KIF1B: variants seen among roughly 807,000 people sequenced by gnomAD.
KIF1B encodes the protein kinesin-like protein KIF1B.
KIF1B carries 76 observed loss-of-function variants against 241.9 expected under a neutral mutation model. The observed-to-expected ratio is 0.31, with a 90% CI of 0.26 to 0.38. The LOEUF (loss-of-function observed/expected upper bound fraction) is 0.38, where lower values mean the gene tolerates loss of function less well. Ranked by LOEUF, KIF1B falls within the 10% of genes least tolerant of loss-of-function variation. KIF1B has a pLI of 1.00. For synonymous variants in KIF1B, 750 were observed against 796.7 expected, an observed-to-expected ratio of 0.94 and a Z score of 0.99; for missense variants, 1,622 against 2,271.4, an observed-to-expected ratio of 0.71 and a Z score of 5.81.
At chr1:10,314,421 T>A (rs930686378) in intron 22 of KIF1B, among the ~76,000 whole-genome samples, 9 of 151,316 alleles carry the variant, frequency 5.9e-5, no homozygotes, top group Non-Finnish European at 1.2e-4. Flanking sequence ...TGTTTGTTTG[T>A]TTTTGTTGTT....
chr1:10,264,203 G>A (rs982266056), intron 5 of KIF1B, among the ~76,000 whole-genome samples: 1 of 152,030 alleles, frequency 6.6e-6, no homozygotes, highest in Non-Finnish European at 1.5e-5. Flanking sequence ...TTTTATGTTT[G>A]TTGTTTATTA....
In KIF1B at chr1:10,271,584, T is replaced by G; in HGVS notation, c.798+5T>G. On this transcript the variant is annotated splice_donor_5th_base_variant and intron_variant, in intron 8 of 48. Transcript: ENST00000676179. Reference sequence around the variant, plus strand: ...GCCAAAGGGACTCGATTAAAGGTATTTATTTTAGCAAATAAATGGCCTGAT... The same window carrying G: ...GCCAAAGGGACTCGATTAAAGGTATGTATTTTAGCAAATAAATGGCCTGAT... 6.2e-7 allele frequency: 1 copy of G among 1,606,116 alleles called. No homozygotes were observed. The highest frequency in any genetic ancestry group is 8.5e-7 in the Non-Finnish European group (1 of 1,172,686).
intron 14 of KIF1B, among the ~76,000 whole-genome samples, chr1:10,280,818 G>A (rs573149320): frequency 1.3e-5 from 2 of 152,134 alleles, no homozygotes; most frequent in Admixed American, 6.5e-5. Context: ...TAGCAGCTGC[G>A]GCATTTCCTG....
At chr1:10,255,605 T>G (rs1647729275) in intron 2 of KIF1B, among the ~76,000 whole-genome samples, 1 of 151,966 alleles carries the variant, frequency 6.6e-6, no homozygotes, top group African/African-American at 2.4e-5. Context: ...AGAAAAGAAA[T>G]AGAAATGTCG....
chr1:10,261,994 C>A, intron 5 of KIF1B, 24 bp downstream of exon 5: 1 of 1,527,040 alleles, frequency 6.5e-7, no homozygotes, highest in Non-Finnish European at 9.1e-7. Flanking sequence ...TGAGTTGACA[C>A]CGTAAGCCCT....
At chr1:10,306,282 G>C (rs2102275455) in intron 22 of KIF1B, 1 of 1,045,274 alleles carries the variant, frequency 9.6e-7, no homozygotes, top group Non-Finnish European at 1.2e-6. Flanking sequence ...AATGGGTTGA[G>C]TTACTGAGAT....
intron 13 of KIF1B, chr1:10,278,858 TAAAG>T: frequency 2.2e-6 from 1 of 449,204 alleles, no homozygotes; most frequent in Non-Finnish European, 4.0e-6. Flanking sequence ...TTTTTTAGTG[TAAAG>T]TTAAACTTAT....
At chr1:10,309,305 T>C (rs1158664214) in intron 22 of KIF1B, among the ~76,000 whole-genome samples, 1 of 152,218 alleles carries the variant, frequency 6.6e-6, no homozygotes, top group Non-Finnish European at 1.5e-5. Context: ...CTTCAGGTAC[T>C]TTGTAATCCT....
At chr1:10,278,886 C>T in intron 13 of KIF1B, 4 of 479,524 alleles carry the variant, frequency 8.3e-6, no homozygotes, top group Non-Finnish European at 1.5e-5. Context: ...CCTTGAAGTT[C>T]TAATAAGATT....
chr1:10,273,085 C>G, intron 10 of KIF1B, 54 bp downstream of exon 10: 1 of 1,348,706 alleles, frequency 7.4e-7, no homozygotes, highest in Non-Finnish European at 1.0e-6. Flanking sequence ...GTTTTAAATC[C>G]TCACTAGGAT....
Position 10,365,742 on chromosome 1 carries a change from G to T in KIF1B, c.4752+94G>T. ...CATTTTCAACACCTTTGTTCGAGGT[G>T]TTTGAAGGCCTGTGATAATACTGTG... On this transcript the variant is annotated intron_variant, in intron 43 of 48. Transcript: ENST00000676179. This position sits in a 1 kb window ranked among gnomAD's most constrained non-coding sequence, Gnocchi z 4.0. 6.5e-7 allele frequency: 1 copy of T among 1,533,998 alleles called. No individual in the cohort carries two copies. The highest frequency in any genetic ancestry group is 8.9e-7 in the Non-Finnish European group (1 of 1,118,088).
chr1:10,346,913 C>T (rs1161995402), intron 35 of KIF1B, among the ~76,000 whole-genome samples: 2 of 152,098 alleles, frequency 1.3e-5, no homozygotes, highest in African/African-American at 4.8e-5. Context: ...CACAAGATGC[C>T]AGTAGCAGCT....
Position 10,343,259 on chromosome 1 carries a change from C to G in KIF1B, c.3660C>G (p.Phe1220Leu). The part of the protein sequence containing the change: ...NSPPQPCRRF[F>L]PPPMPLSKPV... ...CGCCTCAGCCGTGCCGCCGATTCTTCCCTCCACCCATGCCACTGTCCAAGC... is the reference window on the plus strand; with the variant it reads ...CGCCTCAGCCGTGCCGCCGATTCTTGCCTCCACCCATGCCACTGTCCAAGC... Residue 1220 changes from phenylalanine (F) to leucine (L), a missense_variant, in exon 34 of 49, where the codon TTC (phenylalanine) becomes TTG (leucine). Transcript: ENST00000676179. 6.2e-7 allele frequency: 1 copy of G among 1,614,228 alleles called. No homozygotes were observed. Among genetic ancestry groups the G allele is most frequent in the Non-Finnish European group, 8.5e-7 (1 of 1,180,032 alleles).
At chr1:10,284,325 G>A (rs193203586) in intron 15 of KIF1B, among the ~76,000 whole-genome samples, 30 of 152,228 alleles carry the variant, frequency 2.0e-4, no homozygotes, top group Admixed American at 1.6e-3. Flanking sequence ...CAAGGTGGGC[G>A]GATCATCTGA....
chr1:10,339,729 T>C (rs1232078348), intron 31 of KIF1B, 40 bp from the exon 32 acceptor site: 3 of 1,542,368 alleles, frequency 1.9e-6, no homozygotes, highest in Non-Finnish European at 2.7e-6. Context: ...TAAAACCGTT[T>C]AATGCATTGT....
At chr1:10,286,161 T>G (rs1406613784) in intron 15 of KIF1B, among the ~76,000 whole-genome samples, 5 of 152,118 alleles carry the variant, frequency 3.3e-5, no homozygotes, top group Non-Finnish European at 7.4e-5. Context: ...TGCCTCAGCC[T>G]TCTGAGAAGC....
chr1:10,245,257 C>G (rs1647193916), intron 2 of KIF1B, among the ~76,000 whole-genome samples: 1 of 152,070 alleles, frequency 6.6e-6, no homozygotes, highest in South Asian at 2.1e-4. Flanking sequence ...GTGAATAAGG[C>G]AGGGAGAAAA....
At chr1:10,293,534 G>A (rs1322354117) in intron 17 of KIF1B, among the ~76,000 whole-genome samples, 3 of 151,558 alleles carry the variant, frequency 2.0e-5, no homozygotes, top group Admixed American at 6.6e-5. Flanking sequence ...TAGCTGGACT[G>A]CAGGCACATG....
intron 37 of KIF1B, among the ~76,000 whole-genome samples, chr1:10,351,644 T>C (rs186599563): frequency 6.6e-6 from 1 of 152,090 alleles, no homozygotes; most frequent in East Asian, 1.9e-4. Context: ...AAACAGAGTG[T>C]AGGATTTTGA....
Sources: allele counts gnomAD v4.1 joint callset (sites outside exome capture counted in the v4.1 genomes callset), GRCh38; gene constraint gnomAD v4.1.1; non-coding constraint Gnocchi (gnomAD v3.1); transcripts MANE v1.5; gene names NCBI Gene and HGNC (gene_info 2026-07-23, HGNC 2026-07-21).